The following NBEAL1 variants were observed in gnomAD, a reference collection of about 807,000 sequenced individuals.
NBEAL1 encodes neurobeachin-like protein 1.
Under a neutral mutation model 351.3 loss-of-function variants are expected in NBEAL1, and 273 were observed. The observed-to-expected ratio is 0.78, with a 90% CI of 0.70 to 0.86. The LOEUF is 0.86. NBEAL1 is among the 40% of genes least tolerant of loss of function. The pLI, the probability that NBEAL1 is intolerant of heterozygous loss-of-function variation, is 0.00. For missense variants in NBEAL1, 2,961 were observed against 3,201.3 expected, an observed-to-expected ratio of 0.92 and a Z score of 1.81; for synonymous variants, 1,050 against 1,086.4, an observed-to-expected ratio of 0.97 and a Z score of 0.66.
chr2:203,141,384 T>A (rs1047199827), intron 31 of NBEAL1, among the ~76,000 whole-genome samples: 3 of 95,810 alleles, frequency 3.1e-5, no homozygotes, highest in Admixed American at 1.2e-4. Flanking sequence ...TTTTTTTTTT[T>A]TTTTTTTTTT....
chr2:203,096,616 T>G (rs554127695), intron 10 of NBEAL1, among the ~76,000 whole-genome samples: 51 of 152,200 alleles, frequency 3.4e-4, no homozygotes, highest in Non-Finnish European at 7.2e-4. Flanking sequence ...ATGCTAGAGA[T>G]AATCTCAATT....
At chr2:203,041,487 G>C (rs1038360680) in intron 2 of NBEAL1, among the ~76,000 whole-genome samples, 2 of 152,226 alleles carry the variant, frequency 1.3e-5, no homozygotes, top group Admixed American at 6.5e-5. Flanking sequence ...GGCCAGTATA[G>C]TACAGGGTAA....
intron 44 of NBEAL1, among the ~76,000 whole-genome samples, chr2:203,187,375 T>TTG (rs1353515742): frequency 6.7e-6 from 1 of 150,142 alleles, no homozygotes; most frequent in Non-Finnish European, 1.5e-5. Context: ...TGGTTTTTTT[T>TTG]TTTTTTTTTT....
At chr2:203,068,194 C>CA (rs1198074977) in intron 6 of NBEAL1, among the ~76,000 whole-genome samples, 199 bp from the exon 7 acceptor site, 2 of 152,086 alleles carry the variant, frequency 1.3e-5, no homozygotes, top group Non-Finnish European at 1.5e-5. Flanking sequence ...TTGCATAATT[C>CA]AAAAAAATAA....
In NBEAL1 at chr2:203,113,255, G is replaced by A. The variant is rs1206132195; in HGVS notation, c.2443G>A (p.Gly815Arg). 2 of 1,503,204 alleles carry A rather than the reference G, an allele frequency of 1.3e-6. No homozygotes were observed. The highest frequency in any genetic ancestry group is 1.4e-5 in the African/African-American group (1 of 71,938). The allele number at this position is 1,503,204 out of a possible 1,614,324, so 93.1% of individuals were successfully genotyped here. Residue 815 changes from glycine to arginine, a missense_variant, in exon 17 of 56, where the codon GGA (glycine) becomes AGA (arginine). Transcript: ENST00000683969. ...TCCCACATCTCTGGAGGGTCAGCTA[G>A]GATCTGTTATCATCTTTTATGAACC... is the stretch of plus-strand genomic sequence containing the variant. ...GCPTSLEGQLGSVIIFYEPLQ... is the reference protein window; with the variant it reads ...GCPTSLEGQLRSVIIFYEPLQ...
At chr2:203,139,776 A>G (rs914553042) in intron 31 of NBEAL1, among the ~76,000 whole-genome samples, 1 of 151,534 alleles carries the variant, frequency 6.6e-6, no homozygotes, top group African/African-American at 2.4e-5. Context: ...CATGTTTGAC[A>G]TGCTGGTCTC....
chr2:203,110,059 G>A, intron 14 of NBEAL1, 91 bp from the exon 15 acceptor site: 1 of 1,258,142 alleles, frequency 7.9e-7, no homozygotes, highest in Admixed American at 2.9e-5. Context: ...GGGTAAAGAT[G>A]TTCATGATGG....
chr2:203,077,230 C>T lies in NBEAL1; in HGVS notation c.599-522C>T, dbSNP rs903024479. Among the ~76,000 whole-genome samples the T allele has an allele frequency of 1.1e-4, 16 of 151,648 alleles. No individual in the cohort carries two copies. In the East Asian group the frequency reaches 2.3e-3, roughly 22 times the overall value. On this transcript the variant is annotated intron_variant, in intron 7 of 55. Coordinates refer to ENST00000683969, the MANE Select transcript of NBEAL1 (RefSeq NM_001378026.1). ...ACTAAAAATACAAAAATTAGCTGGG[C>T]GTGGTGGCAGGTGCCTGTAATCCCA...
Position 203,135,542 on chromosome 2 carries a change from T to C in NBEAL1, c.3814-135T>C, listed in dbSNP as rs564119228. The C allele has an allele frequency of 2.2e-4, 136 of 607,558 alleles. No individual in the cohort carries two copies. The African/African-American group carries it at 2.4e-3, about 11-fold the overall frequency. 37.6% of individuals were successfully genotyped at this position (607,558 alleles called of 1,614,324 possible). ...AAATAGTTTATAATCTAATTAAGAA[T>C]ATAATCTTTTGAAAGTATATTCTTC... is the stretch of plus-strand genomic sequence containing the variant. On this transcript the variant is annotated intron_variant, in intron 27 of 55. Coordinates refer to ENST00000683969, the MANE Select transcript of NBEAL1 (RefSeq NM_001378026.1).
intron 15 of NBEAL1, 138 bp downstream of exon 15, chr2:203,110,420 C>A: frequency 1.2e-6 from 1 of 868,834 alleles, no homozygotes; most frequent in Non-Finnish European, 1.7e-6. Context: ...TGTACGTAAT[C>A]CCAGCACTTT....
intron 16 of NBEAL1, 50 bp from the exon 17 acceptor site, chr2:203,112,965 A>T: frequency 3.0e-6 from 4 of 1,344,432 alleles, no homozygotes; most frequent in Non-Finnish European, 2.9e-6. Context: ...TATGTTAAAT[A>T]TGAGGATATA....
At chr2:203,033,074 C>T (rs2060977387) in intron 2 of NBEAL1, among the ~76,000 whole-genome samples, 1 of 151,992 alleles carries the variant, frequency 6.6e-6, no homozygotes, top group Non-Finnish European at 1.5e-5. Context: ...GATCTCGGCT[C>T]ACTGCAAGCT....
chr2:203,166,368 G>A (rs376959272), intron 37 of NBEAL1, 71 bp downstream of exon 37: 1 of 1,382,110 alleles, frequency 7.2e-7, no homozygotes. Context: ...TCATGAATGA[G>A]AAGAAGAAAG....
chr2:203,182,954 T>G (rs2064776222), intron 43 of NBEAL1: 1 of 166,752 alleles, frequency 6.0e-6, no homozygotes, highest in African/African-American at 2.4e-5. Context: ...TATTTTACTA[T>G]TAGAGGGACT....
rs770739816 is a variant in NBEAL1 at position 203,172,793 on chromosome 2, G to A, written c.6263G>A (p.Arg2088Gln). ...ELDLNNPAVFRDLSKPIGVVN... is the reference protein window; with the variant it reads ...ELDLNNPAVFQDLSKPIGVVN... ...GACCTTAATAACCCTGCTGTATTTC[G>A]AGATCTTTCCAAACCAATTGGGGTA... Residue 2088 changes from arginine to glutamine, a missense_variant, in exon 41 of 56, where the codon CGA becomes CAA. Coordinates refer to ENST00000683969, the MANE Select transcript of NBEAL1 (RefSeq NM_001378026.1). The A allele has an allele frequency of 1.9e-6, 3 of 1,611,430 alleles. No individual in the cohort carries two copies. Among genetic ancestry groups the A allele is most frequent in the African/African-American group, 1.3e-5 (1 of 74,778 alleles).
chr2:203,057,405 G>A lies in NBEAL1; in HGVS notation c.467G>A (p.Cys156Tyr). Residue 156 changes from cysteine (C) to tyrosine (Y), a missense_variant, in exon 6 of 56, where the codon TGT (cysteine) becomes TAT (tyrosine). By Grantham distance (194) the Cys-to-Tyr change is radical. Coordinates refer to ENST00000683969, the MANE Select transcript of NBEAL1 (RefSeq NM_001378026.1). ...TTTGTGATCCACGCATTGGCATTTT[G>A]TGAAAGCTTATATGATCCATATCGG... is the stretch of plus-strand genomic sequence containing the variant. ...EEFVIHALAF[C>Y]ESLYDPYRNW... 6.4e-7 allele frequency: 1 copy of A among 1,552,888 alleles called. No individual in the cohort carries two copies. The highest frequency in any genetic ancestry group is 8.7e-7 in the Non-Finnish European group (1 of 1,146,686).
intron 12 of NBEAL1, among the ~76,000 whole-genome samples, chr2:203,105,335 G>A (rs1393420604): frequency 5.3e-5 from 8 of 151,768 alleles, no homozygotes; most frequent in Admixed American, 2.0e-4. Context: ...GCATGGTGGC[G>A]GGCGCCTGTA....
chr2:203,202,625 C>A, intron 50 of NBEAL1, 62 bp from the exon 51 acceptor site: 1 of 908,072 alleles, frequency 1.1e-6, no homozygotes, highest in Non-Finnish European at 1.8e-6. Context: ...ACAAAAATTG[C>A]TCTTAAAGTT....
At chr2:203,135,632 A>T (rs1170567552) in intron 27 of NBEAL1, 45 bp from the exon 28 acceptor site, 3 of 1,175,864 alleles carry the variant, frequency 2.6e-6, no homozygotes, top group Non-Finnish European at 2.4e-6. Flanking sequence ...GATATAAAGT[A>T]CTATGTACTT....
Sources: allele counts gnomAD v4.1 joint callset (sites outside exome capture counted in the v4.1 genomes callset), GRCh38; gene constraint gnomAD v4.1.1; transcripts MANE v1.5; gene names NCBI Gene and HGNC (gene_info 2026-07-23, HGNC 2026-07-21).